The following FAM193A variants were observed in gnomAD, a reference collection of about 807,000 sequenced individuals.
FAM193A encodes the protein protein FAM193A.
A neutral mutation model predicts 126.5 loss-of-function variants in FAM193A; 22 were observed. The observed-to-expected ratio is 0.17, with a 90% CI of 0.12 to 0.25. The LOEUF is 0.25. FAM193A is among the 10% of genes least tolerant of loss of function. The pLI, the probability that FAM193A is intolerant of heterozygous loss-of-function variation, is 1.00. For missense variants in FAM193A, 1,675 were observed against 1,672.8 expected (o/e 1.00, Z -0.02); for synonymous variants, 761 against 646.8 (o/e 1.18, Z -2.68).
At chr4:2,601,285 T>G (rs1395724777) in intron 2 of FAM193A, among the ~76,000 whole-genome samples, 1 of 143,914 alleles carries the variant, frequency 6.9e-6, no homozygotes, top group Non-Finnish European at 1.5e-5. Context: ...CAGGCTGGAG[T>G]GCAGTGGTGC....
chr4:2,678,841 T>C (rs562117768), intron 13 of FAM193A, among the ~76,000 whole-genome samples: 3 of 152,356 alleles, frequency 2.0e-5, no homozygotes, highest in South Asian at 4.1e-4. Flanking sequence ...TGGAGTTCTC[T>C]ACATTGTAAA....
chr4:2,669,742 C>CTG (rs1713578118), intron 12 of FAM193A, among the ~76,000 whole-genome samples: 1 of 152,218 alleles, frequency 6.6e-6, no homozygotes, highest in Non-Finnish European at 1.5e-5. Flanking sequence ...CTATCAAATT[C>CTG]CACACCAGAG....
Position 2,695,004 on chromosome 4 carries a change from G to A in FAM193A, c.3151G>A (p.Asp1051Asn), listed in dbSNP as rs1265366455. Residue 1051 changes from aspartate (D) to asparagine (N), a missense_variant, in exon 17 of 21, where the codon GAT (aspartate) becomes AAT (asparagine). Asp to Asn is a conservative substitution (Grantham distance 23). Coordinates refer to ENST00000637812, the MANE Select transcript of FAM193A (RefSeq NM_001366318.2). ...ENGVYDPQQDDGDESADEDSC... is the reference protein window; with the variant it reads ...ENGVYDPQQDNGDESADEDSC... Reference sequence around the variant, plus strand: ...TGGTGTCTACGACCCACAGCAGGATGATGGGGACGAGAGTGCAGATGAGGA... The same window carrying A: ...TGGTGTCTACGACCCACAGCAGGATAATGGGGACGAGAGTGCAGATGAGGA... 1.2e-6 allele frequency: 2 copies of A among 1,610,044 alleles called. No individual in the cohort carries two copies. Among genetic ancestry groups the A allele is most frequent in the Admixed American group, 3.4e-5 (2 of 59,366 alleles).
chr4:2,636,000 AT>A (rs796940676), intron 5 of FAM193A, among the ~76,000 whole-genome samples: 4,938 of 144,662 alleles, frequency 0.034, 228 homozygotes, highest in African/African-American at 0.11. Context: ...AAAAGGACGA[AT>A]TTTTTTTTTT....
At chr4:2,553,040 G>T (rs1266823566) in intron 1 of FAM193A, among the ~76,000 whole-genome samples, 1 of 151,940 alleles carries the variant, frequency 6.6e-6, no homozygotes, top group Non-Finnish European at 1.5e-5. Context: ...TGGAGTCAGG[G>T]TTTTGCCATG....
chr4:2,723,582 A>C (rs1210519759), intron 20 of FAM193A, among the ~76,000 whole-genome samples: 1 of 152,154 alleles, frequency 6.6e-6, no homozygotes, highest in Non-Finnish European at 1.5e-5. Context: ...TCAAAAAAAA[A>C]AAAAGTTTGA....
intron 13 of FAM193A, among the ~76,000 whole-genome samples, chr4:2,685,294 C>G (rs974154154): frequency 6.6e-6 from 1 of 152,174 alleles, no homozygotes; most frequent in Non-Finnish European, 1.5e-5. Context: ...TTTACACTCC[C>G]TCTCTGGGTT....
intron 7 of FAM193A, among the ~76,000 whole-genome samples, chr4:2,657,161 C>A (rs2109093659): frequency 6.6e-6 from 1 of 152,278 alleles, no homozygotes; most frequent in South Asian, 2.1e-4. Context: ...TAGCGAGACT[C>A]AGTCTCAAAA....
intron 13 of FAM193A, among the ~76,000 whole-genome samples, chr4:2,682,560 C>G (rs1240379866): frequency 6.6e-6 from 1 of 152,146 alleles, no homozygotes; most frequent in Non-Finnish European, 1.5e-5. Flanking sequence ...TAATATCAGC[C>G]ATGTTTGTAA....
intron 7 of FAM193A, chr4:2,655,174 T>A: frequency 1.5e-6 from 1 of 650,528 alleles, no homozygotes; most frequent in Non-Finnish European, 2.8e-6. Context: ...TACAGACTTT[T>A]GATACTTTCT....
intron 1 of FAM193A, among the ~76,000 whole-genome samples, chr4:2,582,011 G>A (rs1311662255): frequency 6.6e-6 from 1 of 152,006 alleles, no homozygotes; most frequent in East Asian, 1.9e-4. Context: ...GTTAAAAGCT[G>A]TTTTTTTCTT....
chr4:2,603,494 TCA>T (rs1741341627), intron 2 of FAM193A, among the ~76,000 whole-genome samples: 2 of 139,572 alleles, frequency 1.4e-5, no homozygotes, highest in African/African-American at 5.5e-5. Context: ...TCTTGCTCAG[TCA>T]CCCAGGCTGG....
intron 4 of FAM193A, among the ~76,000 whole-genome samples, chr4:2,626,878 A>G (rs926511475): frequency 9.8e-5 from 15 of 152,318 alleles, no homozygotes; most frequent in Non-Finnish European, 1.2e-4. Context: ...CCCCTGTGCC[A>G]GGGATGATGC....
chr4:2,575,977 C>G (rs1346225513), intron 1 of FAM193A, among the ~76,000 whole-genome samples: 1 of 152,122 alleles, frequency 6.6e-6, no homozygotes, highest in Non-Finnish European at 1.5e-5. Context: ...GTGAGTTAGA[C>G]AACAATGAGG....
At chr4:2,661,320 T>C (rs1455424062) in intron 10 of FAM193A, among the ~76,000 whole-genome samples, 1 of 152,214 alleles carries the variant, frequency 6.6e-6, no homozygotes, top group East Asian at 1.9e-4. Flanking sequence ...TTTTCTAAGT[T>C]GGTTAAAAAG....
intron 2 of FAM193A, among the ~76,000 whole-genome samples, chr4:2,610,418 C>T (rs1407173003): frequency 6.6e-6 from 1 of 152,144 alleles, no homozygotes; most frequent in Non-Finnish European, 1.5e-5. Context: ...ATATTAGAAA[C>T]GTACAGATTT....
chr4:2,539,942 A>G (rs1405693594), intron 1 of FAM193A, among the ~76,000 whole-genome samples: 1 of 151,624 alleles, frequency 6.6e-6, no homozygotes, highest in Non-Finnish European at 1.5e-5. Flanking sequence ...AGATGGTGAA[A>G]CCCCGTCTCT....
chr4:2,535,915 T>A (rs979320554), upstream of FAM193A, among the ~76,000 whole-genome samples: 3 of 152,002 alleles, frequency 2.0e-5, no homozygotes, highest in African/African-American at 7.3e-5. Flanking sequence ...ATTCGCCGGC[T>A]CCGCCGCTGC....
chr4:2,688,206 G>A (rs530179071), intron 13 of FAM193A, among the ~76,000 whole-genome samples: 8 of 152,202 alleles, frequency 5.3e-5, no homozygotes, highest in South Asian at 2.1e-4. Flanking sequence ...ATCCTAGAGC[G>A]CATATAATTT....
Sources: gnomAD v4.1 joint callset for allele counts (sites outside exome capture counted in the v4.1 genomes callset) on GRCh38, gnomAD v4.1.1 for gene constraint, MANE v1.5 for transcripts, NCBI Gene and HGNC (gene_info 2026-07-23, HGNC 2026-07-21) for gene names.